The following TDRD10 variants were observed in gnomAD, a reference collection of about 807,000 sequenced individuals.
TDRD10 encodes tudor domain-containing protein 10.
A neutral mutation model predicts 48.0 loss-of-function variants in TDRD10; 40 were observed. The ratio of observed to expected loss-of-function variants is 0.83; its 90% CI spans 0.65 to 1.09. The LOEUF (loss-of-function observed/expected upper bound fraction) is 1.09, where lower values mean the gene tolerates loss of function less well. Ranked by LOEUF, TDRD10 falls within the 50% of genes least tolerant of loss-of-function variation. The pLI, the probability that TDRD10 is intolerant of heterozygous loss-of-function variation, is 0.00. For synonymous variants in TDRD10, 162 were observed against 170.4 expected (o/e 0.95, Z 0.38); for missense variants, 378 against 434.7 (o/e 0.87, Z 1.16).
intron 1 of TDRD10, among the ~76,000 whole-genome samples, chr1:154,505,083 G>A (rs1185639729): frequency 2.0e-5 from 3 of 152,238 alleles, no homozygotes; most frequent in Non-Finnish European, 4.4e-5. Flanking sequence ...TTGGAATCAT[G>A]TGGTCATATG....
intron 4 of TDRD10, among the ~76,000 whole-genome samples, chr1:154,515,690 G>C (rs527713262): frequency 3.3e-5 from 5 of 151,940 alleles, no homozygotes; most frequent in Admixed American, 6.6e-5. Flanking sequence ...TTCCACCATC[G>C]AACTCACCAC....
chr1:154,528,742 G>T (rs576706043), intron 6 of TDRD10, among the ~76,000 whole-genome samples: 2 of 151,854 alleles, frequency 1.3e-5, no homozygotes, highest in African/African-American at 2.4e-5. Flanking sequence ...CTTGAACCCG[G>T]GAGGCAGAGG....
In TDRD10 at chr1:154,544,389, G is replaced by A; in HGVS notation, c.669G>A (p.Met223Ile). The A allele has an allele frequency of 6.3e-7, 1 of 1,589,690 alleles. No individual in the cohort carries two copies. Among genetic ancestry groups the A allele is most frequent in the Non-Finnish European group, 8.6e-7 (1 of 1,168,402 alleles). The change falls in exon 10 of 13, where the codon ATG becomes ATA. Residue 223 changes from methionine (M) to isoleucine (I), a missense_variant. Met to Ile is a conservative substitution (Grantham distance 10, BLOSUM62 1). Transcript: ENST00000368482. ...MHVTEALHQN[M>I]QALFSTLAQA... The stretch of plus-strand genomic sequence containing the variant: ...CCCCACAGGCTCTGCACCAGAACAT[G>A]CAGGCTCTGTTTAGCACCCTGGCTC...
intron 4 of TDRD10, among the ~76,000 whole-genome samples, chr1:154,508,893 G>A (rs879527758): frequency 6.6e-6 from 1 of 152,202 alleles, no homozygotes; most frequent in Non-Finnish European, 1.5e-5. Context: ...AGTCAGTGCT[G>A]TGTTAGTGGG....
chr1:154,510,320 C>T (rs999666424), intron 4 of TDRD10, among the ~76,000 whole-genome samples: 3 of 151,666 alleles, frequency 2.0e-5, no homozygotes, highest in South Asian at 2.1e-4. Flanking sequence ...GGGCTGGGTG[C>T]GGTCGTTCAT....
chr1:154,546,406 T>C (rs1269653715), intron 11 of TDRD10, among the ~76,000 whole-genome samples: 1 of 146,842 alleles, frequency 6.8e-6, no homozygotes, highest in East Asian at 1.9e-4. Context: ...ATGTATAATG[T>C]AATTTATATA....
intron 8 of TDRD10, 149 bp from the exon 9 acceptor site, chr1:154,543,814 A>C: frequency 8.2e-7 from 1 of 1,223,526 alleles, no homozygotes; most frequent in Middle Eastern, 2.0e-4. Flanking sequence ...TTTAGCTCCC[A>C]CCCTAGAGGG....
rs1693189108 is a variant in TDRD10, at chr1:154,507,101, A to C, written c.3-140A>C. On this transcript the variant is annotated intron_variant, in intron 2 of 12. Transcript: ENST00000368482. ...GGAGGGCTTCCTGGCTTGGAACCTG[A>C]TTCTGGGAGGAGGAAGGGAAGCCTT... 13 of 1,526,410 alleles carry C rather than the reference A, an allele frequency of 8.5e-6. No homozygotes were observed. The South Asian group carries it at 1.4e-4, about 16-fold the overall frequency. 94.6% of individuals were successfully genotyped at this position (1,526,410 alleles called of 1,614,324 possible). A position where few individuals can be genotyped will look rare whatever the true frequency, so the allele number is the denominator to read the frequency against.
intron 6 of TDRD10, among the ~76,000 whole-genome samples, chr1:154,538,284 C>A (rs1055947390): frequency 1.3e-5 from 2 of 152,318 alleles, no homozygotes; most frequent in East Asian, 3.9e-4. Flanking sequence ...CACCGTGGCT[C>A]ACGCCTGTAA....
At chr1:154,544,329 A>G in intron 9 of TDRD10, 43 bp from the exon 10 acceptor site, 1 of 1,556,174 alleles carries the variant, frequency 6.4e-7, no homozygotes, top group South Asian at 1.2e-5. Flanking sequence ...CAGATTTGTA[A>G]TGCAGTGCAG....
At chr1:154,525,368 A>G (rs953325533) in intron 6 of TDRD10, among the ~76,000 whole-genome samples, 1 of 147,582 alleles carries the variant, frequency 6.8e-6, no homozygotes, top group South Asian at 2.2e-4. Flanking sequence ...GACATTTAAA[A>G]GCATTCCTAT....
At chr1:154,524,503 A>G (rs1049687278) in intron 6 of TDRD10, among the ~76,000 whole-genome samples, 3 of 152,138 alleles carry the variant, frequency 2.0e-5, no homozygotes, top group African/African-American at 7.2e-5. Context: ...GTTGGATATT[A>G]TGGATGCTAT....
At chr1:154,514,508 T>TCA (rs533715707) in intron 4 of TDRD10, among the ~76,000 whole-genome samples, 160 of 152,154 alleles carry the variant, frequency 1.1e-3, no homozygotes, top group Admixed American at 1.5e-3. Flanking sequence ...AGCATGGTGA[T>TCA]GGGCTTGTGG....
At chr1:154,533,428 A>G (rs1694756296) in intron 6 of TDRD10, among the ~76,000 whole-genome samples, 1 of 149,400 alleles carries the variant, frequency 6.7e-6, no homozygotes, top group Non-Finnish European at 1.5e-5. Flanking sequence ...TTTGGAATAT[A>G]TAAAGCAAAA....
At chr1:154,514,547 A>G (rs1267397506) in intron 4 of TDRD10, among the ~76,000 whole-genome samples, 2 of 152,094 alleles carry the variant, frequency 1.3e-5, no homozygotes, top group African/African-American at 2.4e-5. Context: ...ACTTCTGTGT[A>G]TGTTTGGAAT....
intron 3 of TDRD10, among the ~76,000 whole-genome samples, 183 bp from the exon 4 acceptor site, chr1:154,508,240 T>C (rs1412482336): frequency 6.6e-6 from 1 of 152,166 alleles, no homozygotes; most frequent in Non-Finnish European, 1.5e-5. Context: ...TGAAGCCAGG[T>C]ACAGTGGCTC....
At chr1:154,525,163 TC>T (rs1409480665) in intron 6 of TDRD10, among the ~76,000 whole-genome samples, 1 of 152,200 alleles carries the variant, frequency 6.6e-6, no homozygotes, top group Non-Finnish European at 1.5e-5. Flanking sequence ...AATGGTGAGT[TC>T]CTGTATTTTG....
intron 5 of TDRD10, among the ~76,000 whole-genome samples, chr1:154,521,059 G>C (rs1694028623): frequency 6.6e-6 from 1 of 152,178 alleles, no homozygotes; most frequent in African/African-American, 2.4e-5. Context: ...TTTTGGGGCA[G>C]TAGTATTAAA....
chr1:154,525,511 T>G (rs939560117), intron 6 of TDRD10, among the ~76,000 whole-genome samples: 12 of 152,160 alleles, frequency 7.9e-5, no homozygotes, highest in Non-Finnish European at 1.8e-4. Flanking sequence ...TCATCCAATC[T>G]TAGATGAGCA....
Sources: gnomAD v4.1 joint callset for allele counts (sites outside exome capture counted in the v4.1 genomes callset) on GRCh38, gnomAD v4.1.1 for gene constraint, MANE v1.5 for transcripts, NCBI Gene and HGNC (gene_info 2026-07-23, HGNC 2026-07-21) for gene names.